Variants in LMX1A observed in about 807,000 individuals in gnomAD.
The protein encoded by LMX1A is LIM homeobox transcription factor 1-alpha.
In LMX1A, 15 loss-of-function variants were observed where a neutral mutation model predicts 49.1. That is an observed-to-expected ratio of 0.31 (90% CI 0.20 to 0.47). LMX1A has a LOEUF of 0.47. Ranked by LOEUF, LMX1A falls within the 20% of genes least tolerant of loss-of-function variation. LMX1A has a pLI of 1.00. For missense variants in LMX1A, 372 were observed against 475.8 expected (o/e 0.78, Z 2.03); for synonymous variants, 167 against 185.7 (o/e 0.90, Z 0.82).
At chr1:165,266,804 C>T (rs992915791) in intron 3 of LMX1A, among the ~76,000 whole-genome samples, 2 of 151,844 alleles carry the variant, frequency 1.3e-5, no homozygotes, top group East Asian at 1.9e-4. Context: ...GGTTTCACCG[C>T]GTTAGCCAGG....
chr1:165,293,358 A>T (rs894589104), intron 3 of LMX1A, among the ~76,000 whole-genome samples: 1 of 152,242 alleles, frequency 6.6e-6, no homozygotes, highest in African/African-American at 2.4e-5. Flanking sequence ...GGTCCTCAAA[A>T]TAACCATCTG....
chr1:165,336,218 A>C (rs1035818763), intron 3 of LMX1A, among the ~76,000 whole-genome samples: 2 of 152,118 alleles, frequency 1.3e-5, no homozygotes, highest in Non-Finnish European at 2.9e-5. Context: ...TTTGGGGTTA[A>C]GGGTTCTCTA....
At chr1:165,335,313 C>A (rs1655865388) in intron 3 of LMX1A, among the ~76,000 whole-genome samples, 1 of 151,990 alleles carries the variant, frequency 6.6e-6, no homozygotes, top group Non-Finnish European at 1.5e-5. Flanking sequence ...AGCAAAAATA[C>A]ATAATGTATG....
At chr1:165,348,039 T>A (rs1330391) in intron 3 of LMX1A, among the ~76,000 whole-genome samples, 1 of 150,608 alleles carries the variant, frequency 6.6e-6, no homozygotes, top group Non-Finnish European at 1.5e-5. Context: ...TTAATACAAA[T>A]GTTATAAATA....
intron 3 of LMX1A, among the ~76,000 whole-genome samples, chr1:165,329,516 T>C (rs989414305): frequency 6.6e-6 from 1 of 151,968 alleles, no homozygotes; most frequent in Non-Finnish European, 1.5e-5. Context: ...AATTCATGCA[T>C]GGAGTAAAGG....
chr1:165,291,789 C>A (rs1654472296), intron 3 of LMX1A, among the ~76,000 whole-genome samples: 1 of 152,104 alleles, frequency 6.6e-6, no homozygotes, highest in Admixed American at 6.5e-5. Flanking sequence ...TGCGGCCGGG[C>A]GCGGTGGCTC....
intron 3 of LMX1A, among the ~76,000 whole-genome samples, chr1:165,306,697 C>T (rs756156239): frequency 3.9e-5 from 6 of 152,236 alleles, no homozygotes; most frequent in Non-Finnish European, 5.9e-5. Context: ...GTAGTCAGCA[C>T]AGGATGGGCT....
chr1:165,213,785 G>A lies in LMX1A; in HGVS notation c.525C>T (p.Cys175=), dbSNP rs141454506. The A allele has an allele frequency of 6.2e-7, 1 of 1,614,066 alleles. No individual in the cohort carries two copies. The highest frequency in any genetic ancestry group is 2.2e-5 in the East Asian group (1 of 44,872). The change falls in exon 5 of 9, where the codon TGC becomes TGT. Residue 175 remains cysteine, a synonymous_variant. Coordinates refer to ENST00000342310, the MANE Select transcript of LMX1A (RefSeq NM_177398.4). ...CTTTCCCTGCCCCATGGGCTGACTT[G>A]CAGAGACTTTCTTCATCATCACTTT... is the stretch of plus-strand genomic sequence containing the variant. ...SGKSDDEESL[C]KSAHGAGKGT... is the part of the protein sequence containing the mutation.
intron 3 of LMX1A, among the ~76,000 whole-genome samples, chr1:165,309,686 C>G (rs552468620): frequency 6.6e-6 from 1 of 152,190 alleles, no homozygotes; most frequent in Non-Finnish European, 1.5e-5. Flanking sequence ...TGGGACCAGA[C>G]GTTGCTGGAT....
chr1:165,265,297 T>C (rs2101690043), intron 3 of LMX1A, among the ~76,000 whole-genome samples: 1 of 151,556 alleles, frequency 6.6e-6, no homozygotes, highest in East Asian at 2.0e-4. Context: ...ATTGCAAAAA[T>C]AGGAAGTTGC....
chr1:165,324,294 A>C (rs1288745466), intron 3 of LMX1A, among the ~76,000 whole-genome samples: 1 of 152,218 alleles, frequency 6.6e-6, no homozygotes, highest in Non-Finnish European at 1.5e-5. Flanking sequence ...GCTCTGGTCA[A>C]AACCACCTTC....
intron 3 of LMX1A, among the ~76,000 whole-genome samples, chr1:165,337,439 G>C (rs1035783736): frequency 3.9e-5 from 6 of 152,152 alleles, no homozygotes; most frequent in Non-Finnish European, 8.8e-5. Context: ...ACAAATAGTA[G>C]ATCCTATACC....
chr1:165,266,397 G>GCCCCA lies in LMX1A; in HGVS notation c.264-16758_264-16757insTGGGG, dbSNP rs1653616957. Among the ~76,000 whole-genome samples, 3 of 152,124 alleles carry GCCCCA rather than the reference G, an allele frequency of 2.0e-5. No individual in the cohort carries two copies. In the South Asian group the frequency reaches 6.2e-4, roughly 32 times the overall value. On this transcript the variant is annotated intron_variant, in intron 3 of 8. Transcript: ENST00000342310. ...CTTTGGACAAATAGTAGAGTCCAGT[G>GCCCCA]TGGCTGGGGCAAAGATGGGGCAAAA...
intron 3 of LMX1A, among the ~76,000 whole-genome samples, chr1:165,251,967 T>C (rs149060330): frequency 1.1e-3 from 163 of 152,322 alleles, no homozygotes; most frequent in African/African-American, 3.6e-3. Flanking sequence ...GGGCAGGTTG[T>C]TTAGCCCGCC....
At chr1:165,249,907 G>C (rs547900066) in intron 3 of LMX1A, among the ~76,000 whole-genome samples, 1 of 152,230 alleles carries the variant, frequency 6.6e-6, no homozygotes, top group Non-Finnish European at 1.5e-5. Flanking sequence ...GCCATAAAAA[G>C]GAACAAGATC....
chr1:165,303,473 A>C (rs1471653915), intron 3 of LMX1A, among the ~76,000 whole-genome samples: 1 of 152,232 alleles, frequency 6.6e-6, no homozygotes, highest in Non-Finnish European at 1.5e-5. Flanking sequence ...AATTTACAAA[A>C]GCACAAGACA....
chr1:165,315,313 A>C (rs1366781733), intron 3 of LMX1A, among the ~76,000 whole-genome samples: 1 of 152,044 alleles, frequency 6.6e-6, no homozygotes, highest in Admixed American at 6.5e-5. Flanking sequence ...CCCCTCTCCC[A>C]ACATCCACAC....
intron 3 of LMX1A, among the ~76,000 whole-genome samples, chr1:165,286,446 C>T (rs1654306442): frequency 6.6e-6 from 1 of 152,082 alleles, no homozygotes; most frequent in Admixed American, 6.6e-5. Context: ...TCTGACAATA[C>T]CTGGACAACA....
rs373109430 is a variant in LMX1A, at chr1:165,207,766, G to GT, written c.817+296dup. 1.6e-3 allele frequency among the ~76,000 whole-genome samples: 238 copies of GT among 152,278 alleles called. 1 individual carries two copies. Among genetic ancestry groups the GT allele is most frequent in the Middle Eastern group, 6.8e-3 (2 of 294 alleles). On this transcript the variant is annotated intron_variant, in intron 7 of 8. Coordinates refer to ENST00000342310, the MANE Select transcript of LMX1A (RefSeq NM_177398.4). ...AACTAAGCAAGATGAGAAACTGAAC[G>GT]TATCTGTGACTCTGCAAGCAGTCCC... is the stretch of plus-strand genomic sequence containing the variant.
Sources: allele counts gnomAD v4.1 joint callset (sites outside exome capture counted in the v4.1 genomes callset), GRCh38; gene constraint gnomAD v4.1.1; transcripts MANE v1.5; gene names NCBI Gene and HGNC (gene_info 2026-07-23, HGNC 2026-07-21).